LRRC49: variants seen among roughly 807,000 people sequenced by gnomAD.
LRRC49 encodes the protein leucine-rich repeat-containing protein 49.
A neutral mutation model predicts 83.3 loss-of-function variants in LRRC49; 50 were observed. That is an observed-to-expected ratio of 0.60 (90% CI 0.48 to 0.76). The LOEUF (loss-of-function observed/expected upper bound fraction) is 0.76, where lower values mean the gene tolerates loss of function less well. Ranked by LOEUF, LRRC49 falls within the 30% of genes least tolerant of loss-of-function variation. The pLI is 0.00. For synonymous variants in LRRC49, 286 were observed against 283.3 expected, an observed-to-expected ratio of 1.01 and a Z score of -0.10; for missense variants, 704 against 809.1, an observed-to-expected ratio of 0.87 and a Z score of 1.58.
intron 2 of LRRC49, among the ~76,000 whole-genome samples, chr15:70,883,649 A>AT (rs34016002): frequency 0.43 from 62,342 of 143,814 alleles, 14,287 homozygotes; most frequent in East Asian, 0.61. Flanking sequence ...GTGAAATGGA[A>AT]TTTTTTTTTT....
intron 8 of LRRC49, among the ~76,000 whole-genome samples, chr15:70,954,096 T>C (rs2036315279): frequency 1.3e-5 from 2 of 152,142 alleles, no homozygotes; most frequent in Non-Finnish European, 2.9e-5. Flanking sequence ...GGTTTTGCCA[T>C]GTTGGACAGG....
rs1327546689 is a variant in LRRC49 at position 70,936,754 on chromosome 15, C to A, written c.712-7C>A. On this transcript the variant is annotated splice_region_variant and splice_polypyrimidine_tract_variant and intron_variant, in intron 7 of 15. Transcript: ENST00000260382. ...CTGATTAAGTTTTGCTGTCTATTTT[C>A]TTCCAGAGAGATGTGGATAATTTGC... The A allele has an allele frequency of 1.3e-6, 2 of 1,591,770 alleles. No homozygotes were observed. Among genetic ancestry groups the A allele is most frequent in the African/African-American group, 1.3e-5 (1 of 74,474 alleles).
intron 6 of LRRC49, among the ~76,000 whole-genome samples, chr15:70,912,442 G>A (rs907409640): frequency 6.6e-6 from 1 of 152,106 alleles, no homozygotes; most frequent in East Asian, 1.9e-4. Context: ...TTTCCAGAGG[G>A]ATTGTACCAG....
chr15:70,882,032 GCTCA>G (rs1379376162), intron 2 of LRRC49: 1 of 156,880 alleles, frequency 6.4e-6, no homozygotes, highest in African/African-American at 2.4e-5. Context: ...GCTTGGCTGT[GCTCA>G]CTGTTACTGT....
At chr15:71,018,932 A>G (rs556450974) in intron 14 of LRRC49, among the ~76,000 whole-genome samples, 4 of 152,196 alleles carry the variant, frequency 2.6e-5, no homozygotes, top group Admixed American at 2.6e-4. Flanking sequence ...CTTTAATTAC[A>G]TTTACCCGTT....
At chr15:70,964,845 C>T (rs2036737133) in intron 9 of LRRC49, among the ~76,000 whole-genome samples, 2 of 152,134 alleles carry the variant, frequency 1.3e-5, no homozygotes. Flanking sequence ...TGTTGATCAC[C>T]TAGGTTTATG....
chr15:70,955,054 C>T (rs2036352120), intron 8 of LRRC49, among the ~76,000 whole-genome samples: 1 of 151,618 alleles, frequency 6.6e-6, no homozygotes, highest in African/African-American at 2.4e-5. Context: ...TGGGTAGGGT[C>T]GCTTCTGCAG....
Position 70,987,333 on chromosome 15 carries a change from G to C in LRRC49, c.1169+3076G>C, listed in dbSNP as rs556279689. ...TCAGCTCCTGTTATTGGTCTATTCA[G>C]AGAGTCAACTTCTTCCTGGTTTAAT... On this transcript the variant is annotated intron_variant, in intron 11 of 15. Transcript: ENST00000260382. Among the ~76,000 whole-genome samples, 6 of 152,304 alleles carry C rather than the reference G, an allele frequency of 3.9e-5. No individual in the cohort carries two copies. The East Asian group carries it at 1.2e-3, about 29-fold the overall frequency.
At chr15:71,028,009 C>A (rs1026008471) in intron 14 of LRRC49, among the ~76,000 whole-genome samples, 1 of 152,156 alleles carries the variant, frequency 6.6e-6, no homozygotes, top group Non-Finnish European at 1.5e-5. Flanking sequence ...GAGAGGGCAT[C>A]CTTGTCTCGT....
intron 1 of LRRC49, among the ~76,000 whole-genome samples, chr15:70,864,876 G>T (rs750994409): frequency 3.3e-5 from 5 of 152,148 alleles, no homozygotes; most frequent in Non-Finnish European, 7.3e-5. Flanking sequence ...GTGTATCCGG[G>T]AATCTAGCAA....
At chr15:71,008,892 A>G (rs960868982) in intron 12 of LRRC49, among the ~76,000 whole-genome samples, 1 of 151,954 alleles carries the variant, frequency 6.6e-6, no homozygotes, top group Admixed American at 6.6e-5. Context: ...TTTCTACTTT[A>G]TAAGTGATTC....
At chr15:70,958,736 A>G (rs187791165) in intron 8 of LRRC49, among the ~76,000 whole-genome samples, 2 of 152,330 alleles carry the variant, frequency 1.3e-5, no homozygotes, top group East Asian at 3.9e-4. Flanking sequence ...GCCTTCCAAT[A>G]TTTATCTAAA....
chr15:70,964,758 T>G (rs2036734628), intron 9 of LRRC49, among the ~76,000 whole-genome samples: 1 of 152,190 alleles, frequency 6.6e-6, no homozygotes, highest in Admixed American at 6.5e-5. Flanking sequence ...CTCAGTTTGA[T>G]AGTCTCTGAC....
chr15:70,854,204 A>G (rs1946851898), intron 1 of LRRC49: 1 of 696,196 alleles, frequency 1.4e-6, no homozygotes, highest in Non-Finnish European at 1.9e-6. Flanking sequence ...CGCTCGGCCC[A>G]GGGGAGGGAC....
intron 2 of LRRC49, among the ~76,000 whole-genome samples, chr15:70,873,969 A>G (rs2033102375): frequency 6.6e-6 from 1 of 152,178 alleles, no homozygotes; most frequent in African/African-American, 2.4e-5. Context: ...GAACTGTAGA[A>G]AGGGATTGAG....
intron 8 of LRRC49, among the ~76,000 whole-genome samples, chr15:70,958,274 T>C (rs1344020522): frequency 6.6e-6 from 1 of 152,176 alleles, no homozygotes; most frequent in Admixed American, 6.6e-5. Context: ...CTTCATGACG[T>C]TATTAATTTG....
chr15:71,025,622 A>C (rs990770949), intron 14 of LRRC49, among the ~76,000 whole-genome samples: 4 of 152,140 alleles, frequency 2.6e-5, no homozygotes, highest in African/African-American at 9.7e-5. Context: ...GACCCATCTC[A>C]TGTGCAAAGA....
At chr15:70,891,889 G>T, upstream of LRRC49, 1 of 1,612,630 alleles carries the variant, frequency 6.2e-7, no homozygotes, top group African/African-American at 1.3e-5. Flanking sequence ...GTGTACAGGA[G>T]ACTGGACCTG....
At chr15:71,009,352 T>C (rs983068776) in intron 12 of LRRC49, among the ~76,000 whole-genome samples, 1 of 151,914 alleles carries the variant, frequency 6.6e-6, no homozygotes, top group African/African-American at 2.4e-5. Context: ...TCCTACGTAG[T>C]GTTTGGCAAG....
Sources: allele counts gnomAD v4.1 joint callset (sites outside exome capture counted in the v4.1 genomes callset), GRCh38; gene constraint gnomAD v4.1.1; transcripts MANE v1.5; gene names NCBI Gene and HGNC (gene_info 2026-07-23, HGNC 2026-07-21).